FLACC1: variants seen among roughly 807,000 people sequenced by gnomAD.
FLACC1 encodes flagellum associated containing coiled-coil domains 1, also known as flagellum-associated coiled-coil domain-containing protein 1.
A neutral mutation model predicts 62.8 loss-of-function variants in FLACC1; 66 were observed. The ratio of observed to expected loss-of-function variants is 1.05; its 90% CI spans 0.86 to 1.29. The LOEUF (loss-of-function observed/expected upper bound fraction) is 1.29. FLACC1 is among the 50% of genes most tolerant of loss of function. The pLI is 0.00. For missense variants in FLACC1, 452 were observed against 489.1 expected (o/e 0.92, Z 0.71); for synonymous variants, 156 against 161.0 (o/e 0.97, Z 0.24).
chr2:201,340,108 G>A (rs1241261701), intron 7 of FLACC1, among the ~76,000 whole-genome samples: 1 of 152,202 alleles, frequency 6.6e-6, no homozygotes, highest in Non-Finnish European at 1.5e-5. Flanking sequence ...GACCCTGGGA[G>A]GAGTGCTCAT....
chr2:201,353,951 A>T (rs1315312864), intron 1 of FLACC1, among the ~76,000 whole-genome samples: 1 of 152,220 alleles, frequency 6.6e-6, no homozygotes, highest in African/African-American at 2.4e-5. Flanking sequence ...ATGTTATAAG[A>T]ATCAATGGCC....
In FLACC1 at chr2:201,347,477, A is replaced by G. The variant is rs114885733; in HGVS notation, c.234+777T>C. 1.5e-3 allele frequency among the ~76,000 whole-genome samples: 230 copies of G among 152,272 alleles called. 1 individual carries two copies. Among genetic ancestry groups the G allele is most frequent in the Middle Eastern group, 0.01 (3 of 294 alleles). On this transcript the variant is annotated intron_variant, in intron 4 of 14. Transcript: ENST00000392257. ...AGAGGGCAATTATATTTTTGCTTGT[A>G]TATTTTTTTCCCTAACCATTAAAGG...
intron 7 of FLACC1, among the ~76,000 whole-genome samples, chr2:201,339,306 C>CT (rs969412783): frequency 6.6e-6 from 1 of 151,614 alleles, no homozygotes; most frequent in Admixed American, 6.6e-5. Flanking sequence ...CTTCTCTTGT[C>CT]TTTTTTTGGT....
chr2:201,341,402 T>C (rs1950806042), intron 7 of FLACC1, among the ~76,000 whole-genome samples: 1 of 149,216 alleles, frequency 6.7e-6, no homozygotes, highest in Non-Finnish European at 1.5e-5. Flanking sequence ...CATATATATA[T>C]ATATATATAA....
chr2:201,326,350 C>T lies in FLACC1; in HGVS notation c.675+4120G>A, dbSNP rs1388117822. Among the ~76,000 whole-genome samples, 5 of 152,158 alleles carry T rather than the reference C, an allele frequency of 3.3e-5. No individual in the cohort carries two copies. The highest frequency in any genetic ancestry group is 1.9e-4 in the East Asian group (1 of 5,184). ...TTAGACAGGAGAAAGAAATAAAGGGCGTCCAAATTGGAAAAGAAGAAGTCA... is the reference window on the plus strand; with the variant it reads ...TTAGACAGGAGAAAGAAATAAAGGGTGTCCAAATTGGAAAAGAAGAAGTCA... On this transcript the variant is annotated intron_variant, in intron 9 of 14. Transcript: ENST00000392257. The surrounding 1 kb of genome is among the most constrained non-coding windows in gnomAD (Gnocchi z 4.1).
chr2:201,363,397 T>A, the FLACC1 span, among the ~76,000 whole-genome samples: 2 of 151,684 alleles, frequency 1.3e-5, no homozygotes, highest in African/African-American at 4.8e-5. Flanking sequence ...TGCAGAGATC[T>A]GGGTGTGGGA....
At chr2:201,293,119 A>G (rs1439277663) in intron 12 of FLACC1, among the ~76,000 whole-genome samples, 2 of 152,220 alleles carry the variant, frequency 1.3e-5, no homozygotes, top group Non-Finnish European at 2.9e-5. Context: ...TCCACGAGAC[A>G]GAAAGTTAAC....
At chr2:201,307,138 T>G (rs1293168636) in intron 11 of FLACC1, among the ~76,000 whole-genome samples, 1 of 152,196 alleles carries the variant, frequency 6.6e-6, no homozygotes, top group Admixed American at 6.5e-5. Flanking sequence ...CCCATAAAGT[T>G]AAACCTGTAC....
chr2:201,335,609 G>A (rs992893965), intron 7 of FLACC1, among the ~76,000 whole-genome samples: 4 of 151,960 alleles, frequency 2.6e-5, no homozygotes, highest in African/African-American at 7.3e-5. Flanking sequence ...TTAAAATCAC[G>A]TGCCTTTAGC....
At position 201,350,704 on chromosome 2, in the gene FLACC1, T is replaced by C. The variant is rs1381428630; in HGVS notation, c.185+7A>G. ...TCAAAAACAAAACAAAACAAAACAA[T>C]ACTTACTTTGGGGAAACAACAGGTT... is the stretch of plus-strand genomic sequence containing the variant. On this transcript the variant is annotated splice_region_variant and intron_variant, in intron 3 of 14. Transcript: ENST00000392257. 3.3e-6 allele frequency: 5 copies of C among 1,506,632 alleles called. No individual in the cohort carries two copies. The highest frequency in any genetic ancestry group is 4.4e-6 in the Non-Finnish European group (5 of 1,124,634). The allele number at this position is 1,506,632 out of a possible 1,614,324, so 93.3% of individuals were successfully genotyped here. A position where few individuals can be genotyped will look rare whatever the true frequency, so the allele number is the denominator to read the frequency against.
upstream of FLACC1, among the ~76,000 whole-genome samples, chr2:201,359,275 A>C (rs1310615888): frequency 6.6e-6 from 1 of 152,218 alleles, no homozygotes; most frequent in Non-Finnish European, 1.5e-5. Flanking sequence ...GCAGATTATT[A>C]GTTCAGTTTT....
rs57088947 is a variant in FLACC1 at position 201,345,254 on chromosome 2, C to T, written c.369-991G>A. Among the ~76,000 whole-genome samples the T allele has an allele frequency of 9.3e-3, 1,412 of 152,218 alleles. 31 individuals are homozygous for T. Among genetic ancestry groups the T allele is most frequent in the African/African-American group, 0.033 (1,356 of 41,538 alleles). ...GGCTGAATGCCCCTGGGTGGGAAGACAAGATAAGCAGGGTGAATGCCCCTG... is the reference window on the plus strand; with the variant it reads ...GGCTGAATGCCCCTGGGTGGGAAGATAAGATAAGCAGGGTGAATGCCCCTG... On this transcript the variant is annotated intron_variant, in intron 5 of 14. Transcript: ENST00000392257.
chr2:201,335,593 T>C (rs892319147), intron 7 of FLACC1, among the ~76,000 whole-genome samples: 11 of 152,212 alleles, frequency 7.2e-5, no homozygotes, highest in Admixed American at 5.2e-4. Flanking sequence ...AGCTTTGTAG[T>C]ATCATTTAAA....
intron 7 of FLACC1, among the ~76,000 whole-genome samples, chr2:201,339,816 T>C (rs1003886241): frequency 2.6e-5 from 4 of 152,230 alleles, no homozygotes; most frequent in African/African-American, 9.6e-5. Flanking sequence ...ATTAGTGGGT[T>C]CAGGCAGGCC....
At chr2:201,340,633 T>C (rs902659813) in intron 7 of FLACC1, among the ~76,000 whole-genome samples, 1 of 152,230 alleles carries the variant, frequency 6.6e-6, no homozygotes, top group African/African-American at 2.4e-5. Flanking sequence ...ACTCTCATAT[T>C]GGGATAAAAT....
In FLACC1 at chr2:201,357,176, A is replaced by G. The variant is rs1951133514; in HGVS notation, c.-242T>C. Reference sequence around the variant, plus strand: ...TTCACAGTATATGTACTGCGGGAAGACAGACTTCTAGTGAATCCAATCAAA... The same window carrying G: ...TTCACAGTATATGTACTGCGGGAAGGCAGACTTCTAGTGAATCCAATCAAA... On this transcript the variant is annotated 5_prime_UTR_variant, in exon 1 of 15. Coordinates refer to ENST00000392257, the MANE Select transcript of FLACC1 (RefSeq NM_001127391.3). The G allele has an allele frequency of 6.6e-6, 1 of 152,262 alleles. No individual in the cohort carries two copies. Among genetic ancestry groups the G allele is most frequent in the South Asian group, 2.1e-4 (1 of 4,834 alleles). 9.4% of individuals were successfully genotyped at this position (152,262 alleles called of 1,614,324 possible).
At chr2:201,309,925 A>AAAAAAAAAAAAAAAAAAAAAGAAG (rs764506462) in intron 9 of FLACC1, among the ~76,000 whole-genome samples, 1 of 99,390 alleles carries the variant, frequency 1.0e-5, no homozygotes, top group Non-Finnish European at 2.3e-5. Flanking sequence ...AAAAAAAAAA[A>AAAAAAAAAAAAAAAAAAAAAGAAG]AAGAAGAAGA....
At position 201,309,253 on chromosome 2, in the gene FLACC1, G is replaced by T; in HGVS notation, c.676-3C>A. 1.9e-6 allele frequency: 3 copies of T among 1,608,648 alleles called. No homozygotes were observed. Among genetic ancestry groups the T allele is most frequent in the East Asian group, 2.2e-5 (1 of 44,846 alleles). On this transcript the variant is annotated splice_region_variant and splice_polypyrimidine_tract_variant and intron_variant, in intron 9 of 14. Coordinates refer to ENST00000392257, the MANE Select transcript of FLACC1 (RefSeq NM_001127391.3). Reference sequence around the variant, plus strand: ...TCCATTTCATCATAAATACTGTCCTGGGGAGGTACAAAGGCACCATGAAGA... The same window carrying T: ...TCCATTTCATCATAAATACTGTCCTTGGGAGGTACAAAGGCACCATGAAGA...
intron 12 of FLACC1, among the ~76,000 whole-genome samples, chr2:201,294,649 A>G (rs997234280): frequency 2.0e-5 from 3 of 152,202 alleles, no homozygotes; most frequent in Non-Finnish European, 4.4e-5. Flanking sequence ...CCCATTCAAC[A>G]TAGTGTTGGA....
Sources: allele counts gnomAD v4.1 joint callset (sites outside exome capture counted in the v4.1 genomes callset), GRCh38; gene constraint gnomAD v4.1.1; non-coding constraint Gnocchi (gnomAD v3.1); transcripts MANE v1.5; gene names NCBI Gene and HGNC (gene_info 2026-07-23, HGNC 2026-07-21).